The following CNOT3 variants were observed in gnomAD, a reference collection of about 807,000 sequenced individuals.
CNOT3 encodes the protein CCR4-NOT transcription complex subunit 3.
In CNOT3, 2 loss-of-function variants were observed where a neutral mutation model predicts 89.4. The ratio of observed to expected loss-of-function variants is 0.02; its 90% confidence interval spans 0.01 to 0.07. CNOT3 has a LOEUF of 0.07. Ranked by LOEUF, CNOT3 falls within the 10% of genes least tolerant of loss-of-function variation. The pLI is 1.00. For missense variants in CNOT3, 664 were observed against 1,010.2 expected (o/e 0.66, Z 4.65); for synonymous variants, 486 against 402.0 (o/e 1.21, Z -2.50).
At chr19:54,150,063 C>G (rs919826159) in intron 13 of CNOT3, among the ~76,000 whole-genome samples, 3 of 152,144 alleles carry the variant, frequency 2.0e-5, no homozygotes, top group African/African-American at 7.2e-5. Context: ...ATCCCCCCCG[C>G]AGGCCCTCAG....
chr19:54,153,690 C>G, intron 16 of CNOT3, 25 bp from the exon 17 acceptor site: 3 of 1,609,636 alleles, frequency 1.9e-6, no homozygotes, highest in Non-Finnish European at 2.6e-6. Flanking sequence ...CCCCCTGATC[C>G]CCCTCTCCAC....
In CNOT3 at chr19:54,152,555, G is replaced by C. The variant is rs2075178838; in HGVS notation, c.1833G>C (p.Gln611His). The change falls in exon 15 of 18, where the codon CAG becomes CAC. Residue 611 changes from glutamine (Q) to histidine (H), a missense_variant. Coordinates refer to ENST00000221232, the MANE Select transcript of CNOT3 (RefSeq NM_014516.4). The part of the protein sequence containing the change: ...PLGPVPLTKE[Q>H]LYQQAMEEAA... ...GCCCTGTGCCCCTCACCAAGGAGCA[G>C]CTCTATCAGCAGGCCATGGAAGAGG... is the stretch of plus-strand genomic sequence containing the variant. 1.2e-6 allele frequency: 2 copies of C among 1,614,036 alleles called. No individual in the cohort carries two copies. The highest frequency in any genetic ancestry group is 2.7e-5 in the African/African-American group (2 of 74,954).
chr19:54,149,435 C>T (rs989912555), intron 12 of CNOT3, 125 bp from the exon 13 acceptor site: 2 of 550,766 alleles, frequency 3.6e-6, no homozygotes, highest in Non-Finnish European at 6.2e-6. Flanking sequence ...ATCTGTCTGC[C>T]CTCACCTGCC....
Position 54,145,508 on chromosome 19 carries a change from G to A in CNOT3, c.484-90G>A. 2 of 880,424 alleles carry A rather than the reference G, an allele frequency of 2.3e-6. No homozygotes were observed. The highest frequency in any genetic ancestry group is 1.9e-6 in the Non-Finnish European group (1 of 536,924). The allele number at this position is 880,424 out of a possible 1,614,324, so 54.5% of individuals were successfully genotyped here. On this transcript the variant is annotated intron_variant, in intron 7 of 17. Coordinates refer to ENST00000221232, the MANE Select transcript of CNOT3 (RefSeq NM_014516.4). This position sits in a 1 kb window ranked among gnomAD's most constrained non-coding sequence, Gnocchi z 5.9. ...CGTGGAGGCTTTGGGTCTCCACAGGGGTCAGGGACTGAGGACAGGTTCTGT... is the reference window on the plus strand; with the variant it reads ...CGTGGAGGCTTTGGGTCTCCACAGGAGTCAGGGACTGAGGACAGGTTCTGT...
In CNOT3 at chr19:54,144,457, C is replaced by T; in HGVS notation, c.483+125C>T. 2.8e-6 allele frequency: 2 copies of T among 714,894 alleles called. No individual in the cohort carries two copies. The highest frequency in any genetic ancestry group is 4.9e-6 in the Non-Finnish European group (2 of 404,858). The allele number at this position is 714,894 out of a possible 1,614,324, so 44.3% of individuals were successfully genotyped here. A position where few individuals can be genotyped will look rare whatever the true frequency, so the allele number is the denominator to read the frequency against. On this transcript the variant is annotated intron_variant, in intron 7 of 17. Transcript: ENST00000221232. This position sits in a 1 kb window ranked among gnomAD's most constrained non-coding sequence, Gnocchi z 4.8. ...GGATTCCTCAGGCGGACAGGGCCAA[C>T]AGCCGGGATTAGGGATTTGAGAGAC...
intron 1 of CNOT3, among the ~76,000 whole-genome samples, chr19:54,139,355 C>T (rs1335215316): frequency 2.0e-5 from 3 of 152,152 alleles, no homozygotes; most frequent in Non-Finnish European, 4.4e-5. Flanking sequence ...TTGTTGACTT[C>T]CCATCTACCC....
chr19:54,153,605 G>T lies in CNOT3; in HGVS notation c.2038-110G>T, dbSNP rs1262598946. On this transcript the variant is annotated intron_variant, in intron 16 of 17. Transcript: ENST00000221232. ...TCCAAGAGGATTGTCCAGCCCAACT[G>T]TGGTCTGTGGCGGGGGCCGGGGTTC... is the stretch of plus-strand genomic sequence containing the variant. 4.8e-5 allele frequency: 40 copies of T among 830,164 alleles called. No individual in the cohort carries two copies. The Middle Eastern group carries it at 2.4e-3, about 50-fold the overall frequency. 51.4% of individuals were successfully genotyped at this position (830,164 alleles called of 1,614,324 possible).
At chr19:54,138,587 C>T (rs927202836) in intron 1 of CNOT3, among the ~76,000 whole-genome samples, 65 of 152,314 alleles carry the variant, frequency 4.3e-4, no homozygotes, top group African/African-American at 1.5e-3. Flanking sequence ...CCTCCGCATC[C>T]CTCCTCACTG....
At chr19:54,142,614 G>C in intron 1 of CNOT3, 1 of 442,422 alleles carries the variant, frequency 2.3e-6, no homozygotes, top group Non-Finnish European at 4.2e-6. Flanking sequence ...GTCCTGCTCT[G>C]AAAAACCTTT....
Position 54,152,271 on chromosome 19 carries a change from G to A in CNOT3, c.1651G>A (p.Ala551Thr). 1 of 1,614,150 alleles carries A rather than the reference G, an allele frequency of 6.2e-7. No individual in the cohort carries two copies. The highest frequency in any genetic ancestry group is 8.5e-7 in the Non-Finnish European group (1 of 1,180,010). Residue 551 changes from alanine (A) to threonine (T), a missense_variant, in exon 14 of 18, where the codon GCC (alanine) becomes ACC (threonine). Around this residue, in one of 8 missense-constraint regions of CNOT3, gnomAD observed 545 missense variants for 566.2 expected, o/e 0.96. Coordinates refer to ENST00000221232, the MANE Select transcript of CNOT3 (RefSeq NM_014516.4). ...CTTGAAGTCCATGGCGGAACGGGCA[G>A]CCATCAGCTCTGGCATTGAGGACCC... ...SSLKSMAERA[A>T]ISSGIEDPVP...
At position 54,155,544 on chromosome 19, in the gene CNOT3, C is replaced by T. The variant is rs902657546; in HGVS notation, c.*137C>T. 23 of 908,930 alleles carry T rather than the reference C, an allele frequency of 2.5e-5. No individual in the cohort carries two copies. The highest frequency in any genetic ancestry group is 1.2e-4 in the South Asian group (7 of 58,238). The allele number at this position is 908,930 out of a possible 1,614,324, so 56.3% of individuals were successfully genotyped here. On this transcript the variant is annotated 3_prime_UTR_variant, in exon 18 of 18. Transcript: ENST00000221232. ...CTCTCCCAGGAAGCAGGGAGGGGGC[C>T]GGGAGGTTTTCCTCTCAGCCCCACC...
chr19:54,148,163 G>A lies in CNOT3; in HGVS notation c.910G>A (p.Gly304Ser), dbSNP rs149108037. 6.5e-4 allele frequency: 986 copies of A among 1,520,674 alleles called. No homozygotes were observed. Among genetic ancestry groups the A allele is most frequent in the Non-Finnish European group, 7.8e-4 (886 of 1,134,504 alleles). The allele number at this position is 1,520,674 out of a possible 1,614,324, so 94.2% of individuals were successfully genotyped here. A position where few individuals can be genotyped will look rare whatever the true frequency, so the allele number is the denominator to read the frequency against. The change falls in exon 11 of 18, where the codon GGC (glycine) becomes AGC (serine). Residue 304 changes from glycine (G) to serine (S), a missense_variant. Coordinates refer to ENST00000221232, the MANE Select transcript of CNOT3 (RefSeq NM_014516.4). The surrounding 1 kb of genome is among the most constrained non-coding windows in gnomAD (Gnocchi z 6.3). ...CCACCCGCAGTCTCCAGCCAAAAAC[G>A]GCTCCAAGCCTGTCCACAGCAACCA... Reference protein sequence around the residue: ...SEVSQSPAKNGSKPVHSNQHP... With the variant: ...SEVSQSPAKNSSKPVHSNQHP...
chr19:54,152,657 GGGACTTGAGTCTTACGGA>G (rs1248875808), intron 15 of CNOT3, 31 bp downstream of exon 15: 1 of 1,560,402 alleles, frequency 6.4e-7, no homozygotes, highest in East Asian at 2.2e-5. Context: ...GGGATGGTCT[GGGACTTGAGTCTTACGGA>G]GGAGGCAGTG....
rs2074514591 is a variant in CNOT3 at position 54,142,999 on chromosome 19, C to G, written c.21C>G (p.Leu7=). The change falls in exon 2 of 18, where the codon CTC becomes CTG. Residue 7 remains leucine (L), a synonymous_variant. Coordinates refer to ENST00000221232, the MANE Select transcript of CNOT3 (RefSeq NM_014516.4). MADKRK[L]QGEIDRCLKK... ...GGAAGATGGCGGACAAGCGCAAACT[C>G]CAAGGTACTAGACTGACTTCCTGCT... 6.2e-7 allele frequency: 1 copy of G among 1,613,956 alleles called. No individual in the cohort carries two copies. The highest frequency in any genetic ancestry group is 8.5e-7 in the Non-Finnish European group (1 of 1,180,008).
intron 1 of CNOT3, among the ~76,000 whole-genome samples, chr19:54,138,455 C>A (rs2074310032): frequency 6.6e-6 from 1 of 152,104 alleles, no homozygotes; most frequent in Non-Finnish European, 1.5e-5. Context: ...CTCGGTCCTT[C>A]GCGTTGTGGG....
chr19:54,140,509 C>T, intron 1 of CNOT3, among the ~76,000 whole-genome samples: 1 of 152,150 alleles, frequency 6.6e-6, no homozygotes, highest in Non-Finnish European at 1.5e-5. Context: ...ACTCAGGCTC[C>T]AGCTTCCCTT....
At chr19:54,155,275 C>T (rs1028384443) in intron 17 of CNOT3, 34 bp from the exon 18 acceptor site, 35 of 1,609,988 alleles carry the variant, frequency 2.2e-5, no homozygotes, top group Middle Eastern at 1.6e-4. Flanking sequence ...ACCACCTCCT[C>T]GTCCACTCAC....
rs770344355 is a variant in CNOT3 at position 54,148,137 on chromosome 19, C to T, written c.895-11C>T. ...ACTGGGTCCTGACCCTCTGCTCTCT[C>T]CCACCCGCAGTCTCCAGCCAAAAAC... On this transcript the variant is annotated splice_polypyrimidine_tract_variant and intron_variant, in intron 10 of 17. Coordinates refer to ENST00000221232, the MANE Select transcript of CNOT3 (RefSeq NM_014516.4). The surrounding 1 kb of genome is among the most constrained non-coding windows in gnomAD (Gnocchi z 6.3). 2 of 1,479,380 alleles carry T rather than the reference C, an allele frequency of 1.4e-6. No homozygotes were observed. Among genetic ancestry groups the T allele is most frequent in the Admixed American group, 2.5e-5 (1 of 40,678 alleles). 91.6% of individuals were successfully genotyped at this position (1,479,380 alleles called of 1,614,324 possible).
chr19:54,147,095 C>T (rs1477717388), intron 10 of CNOT3, among the ~76,000 whole-genome samples: 1 of 152,218 alleles, frequency 6.6e-6, no homozygotes, highest in Non-Finnish European at 1.5e-5. Flanking sequence ...CCTGAGTGGC[C>T]TCCAGAGTCC....
Sources: allele counts gnomAD v4.1 joint callset (sites outside exome capture counted in the v4.1 genomes callset), GRCh38; gene constraint gnomAD v4.1.1; regional missense constraint gnomAD v4.1.1; non-coding constraint Gnocchi (gnomAD v3.1); transcripts MANE v1.5; gene names NCBI Gene and HGNC (gene_info 2026-07-23, HGNC 2026-07-21).